PRDM16: variants seen among roughly 807,000 people sequenced by gnomAD.
The protein encoded by PRDM16 is PR/SET domain 16.
PRDM16 carries 23 observed loss-of-function variants against 110.6 expected under a neutral mutation model. That is an observed-to-expected ratio of 0.21 (90% confidence interval 0.15 to 0.29). PRDM16 has a LOEUF of 0.29. PRDM16 is among the 10% of genes least tolerant of loss of function. The probability of loss-of-function intolerance (pLI) is 1.00; values close to 1 mark genes in which losing one functional copy is unlikely to be tolerated. For missense variants in PRDM16, 1,615 were observed against 1,794.3 expected, an observed-to-expected ratio of 0.90 and a Z score of 1.81; for synonymous variants, 799 against 781.8, an observed-to-expected ratio of 1.02 and a Z score of -0.37.
At chr1:3,076,976 A>G (rs1453872934) in intron 1 of PRDM16, among the ~76,000 whole-genome samples, 1 of 152,060 alleles carries the variant, frequency 6.6e-6, no homozygotes, top group African/African-American at 2.4e-5. Context: ...TGCTTCTCAG[A>G]GGGGCTGGTC....
chr1:3,195,803 T>G (rs532232180), intron 2 of PRDM16, among the ~76,000 whole-genome samples: 1 of 152,202 alleles, frequency 6.6e-6, no homozygotes, highest in Non-Finnish European at 1.5e-5. Context: ...CTCCGGAGCC[T>G]CCTGCCCTTT....
chr1:3,345,604 C>T (rs1642344248), intron 3 of PRDM16, among the ~76,000 whole-genome samples: 1 of 152,258 alleles, frequency 6.6e-6, no homozygotes, highest in Admixed American at 6.5e-5. Context: ...TCCTGAGGTG[C>T]TGATGGCAAA....
At position 3,360,813 on chromosome 1, in the gene PRDM16, C is replaced by T. The variant is rs190787295; in HGVS notation, c.439-24339C>T. ...ACAGGAGCGGAAGAGCCATCCCACC[C>T]GCCTGGCTCCCAGCAGGACCCCCTG... On this transcript the variant is annotated intron_variant, in intron 3 of 16. Transcript: ENST00000270722. 4.9e-3 allele frequency among the ~76,000 whole-genome samples: 741 copies of T among 152,310 alleles called. 8 individuals are homozygous for T. Among genetic ancestry groups the T allele is most frequent in the African/African-American group, 0.017 (700 of 41,584 alleles).
chr1:3,412,711 G>C lies in PRDM16; in HGVS notation c.2514G>C (p.Gly838=). 2 of 1,499,554 alleles carry C rather than the reference G, an allele frequency of 1.3e-6. No individual in the cohort carries two copies. The highest frequency in any genetic ancestry group is 2.6e-5 in the South Asian group (2 of 76,476). The allele number at this position is 1,499,554 out of a possible 1,614,324, so 92.9% of individuals were successfully genotyped here. ...YGERKLGAGE[G]LPQVCPARMP... ...AACGCAAGCTGGGCGCCGGCGAGGG[G>C]CTGCCCCAGGTGTGCCCGGCGCGGA... The change falls in exon 9 of 17, where the codon GGG becomes GGC. Residue 838 remains glycine, a synonymous_variant. Coordinates refer to ENST00000270722, the MANE Select transcript of PRDM16 (RefSeq NM_022114.4).
intron 3 of PRDM16, among the ~76,000 whole-genome samples, chr1:3,250,036 G>T (rs867999094): frequency 6.6e-6 from 1 of 152,188 alleles, no homozygotes; most frequent in Non-Finnish European, 1.5e-5. Flanking sequence ...CCAAGGCAGC[G>T]CTGGGCCGTG....
At position 3,167,240 on chromosome 1, in the gene PRDM16, T is replaced by C. The variant is rs539858266; in HGVS notation, c.38-18885T>C. On this transcript the variant is annotated intron_variant, in intron 1 of 16. Transcript: ENST00000270722. Reference sequence around the variant, plus strand: ...CCCTGTCCCTCCCAGGCCTTCAGCCTGTACACAAAGCCCAGCAGTTGCCCT... The same window carrying C: ...CCCTGTCCCTCCCAGGCCTTCAGCCCGTACACAAAGCCCAGCAGTTGCCCT... Among the ~76,000 whole-genome samples, 12 of 152,284 alleles carry C rather than the reference T, an allele frequency of 7.9e-5. No individual in the cohort carries two copies. The East Asian group carries it at 2.3e-3, about 29-fold the overall frequency.
chr1:3,370,775 G>A lies in PRDM16; in HGVS notation c.439-14377G>A, dbSNP rs548661147. On this transcript the variant is annotated intron_variant, in intron 3 of 16. Transcript: ENST00000270722. This position sits in a 1 kb window ranked among gnomAD's most constrained non-coding sequence, Gnocchi z 4.8. ...CCATAAGTGTCTGGGCAAGTTGAGGGGAGGGTCTGCTCCCCATCCATCCAT... is the reference window on the plus strand; with the variant it reads ...CCATAAGTGTCTGGGCAAGTTGAGGAGAGGGTCTGCTCCCCATCCATCCAT... 6.6e-6 allele frequency among the ~76,000 whole-genome samples: 1 copy of A among 152,164 alleles called. No homozygotes were observed. The highest frequency in any genetic ancestry group is 2.4e-5 in the African/African-American group (1 of 41,494).
At chr1:3,399,653 A>T (rs1370067139) in intron 5 of PRDM16, among the ~76,000 whole-genome samples, 1 of 152,198 alleles carries the variant, frequency 6.6e-6, no homozygotes, top group East Asian at 1.9e-4. Context: ...AGGCCATTGG[A>T]GTGAGAATCA....
chr1:3,303,500 G>A (rs1049698801), intron 3 of PRDM16, among the ~76,000 whole-genome samples: 3 of 152,200 alleles, frequency 2.0e-5, no homozygotes, highest in African/African-American at 4.8e-5. Context: ...GCCTTTCGCC[G>A]TTGGGAAGAG....
At chr1:3,383,150 C>T (rs889806992) in intron 3 of PRDM16, among the ~76,000 whole-genome samples, 1 of 152,228 alleles carries the variant, frequency 6.6e-6, no homozygotes, top group African/African-American at 2.4e-5. Flanking sequence ...AGAGCAGCCA[C>T]AGCCCACGAG....
At chr1:3,407,767 CCA>C (rs2100651635) in intron 8 of PRDM16, among the ~76,000 whole-genome samples, 1 of 152,376 alleles carries the variant, frequency 6.6e-6, no homozygotes, top group South Asian at 2.1e-4. Flanking sequence ...ACTGTTCCCA[CCA>C]CACTGCAGGC....
chr1:3,373,830 C>T (rs762690066), intron 3 of PRDM16, among the ~76,000 whole-genome samples: 3 of 152,258 alleles, frequency 2.0e-5, no homozygotes, highest in Non-Finnish European at 4.4e-5. Flanking sequence ...CCCACGGGGA[C>T]ACATGGCCGA....
intron 3 of PRDM16, chr1:3,308,676 A>G (rs1355741220): frequency 6.6e-6 from 1 of 152,264 alleles, no homozygotes; most frequent in Non-Finnish European, 1.5e-5. Context: ...GCCTGAGGGC[A>G]GCTCTGCCAT....
At chr1:3,363,798 AAGG>A (rs1642760468) in intron 3 of PRDM16, among the ~76,000 whole-genome samples, 1 of 151,982 alleles carries the variant, frequency 6.6e-6, no homozygotes, top group Non-Finnish European at 1.5e-5. Context: ...CCTTTCAAAG[AAGG>A]AGAAGGAGGA....
At position 3,237,370 on chromosome 1, in the gene PRDM16, C is replaced by T. The variant is rs185388414; in HGVS notation, c.388-6717C>T. ...TCACCTCCTGGGCTCCCCACCCCCA[C>T]TTCGGGACCCCACCCCCAAGAGGAC... On this transcript the variant is annotated intron_variant, in intron 2 of 16. Transcript: ENST00000270722. Among the ~76,000 whole-genome samples, 218 of 152,254 alleles carry T rather than the reference C, an allele frequency of 1.4e-3. 3 individuals carry two copies. Among genetic ancestry groups the T allele is most frequent in the African/African-American group, 5.0e-3 (206 of 41,552 alleles).
chr1:3,432,258 G>A (rs1047994779), intron 16 of PRDM16, 118 bp downstream of exon 16: 8 of 816,304 alleles, frequency 9.8e-6, no homozygotes, highest in Admixed American at 2.3e-5. Context: ...TCACGCAAAC[G>A]CCCCCACGCT....
intron 1 of PRDM16, among the ~76,000 whole-genome samples, chr1:3,174,445 G>A (rs937207302): frequency 2.0e-5 from 3 of 152,202 alleles, no homozygotes; most frequent in Non-Finnish European, 4.4e-5. Flanking sequence ...CTGGGTGACA[G>A]TGGGGGCTGG....
At chr1:3,259,644 G>C (rs1024079913) in intron 3 of PRDM16, among the ~76,000 whole-genome samples, 4 of 152,206 alleles carry the variant, frequency 2.6e-5, no homozygotes, top group Non-Finnish European at 5.9e-5. Flanking sequence ...GGGGCAAGAG[G>C]GGACCCAGTG....
At chr1:3,398,594 G>A (rs140869220) in intron 5 of PRDM16, among the ~76,000 whole-genome samples, 4 of 152,338 alleles carry the variant, frequency 2.6e-5, no homozygotes, top group African/African-American at 4.8e-5. Context: ...AGATTAGTAC[G>A]TAGACGCCAC....
Sources: gnomAD v4.1 joint callset for allele counts (sites outside exome capture counted in the v4.1 genomes callset) on GRCh38, gnomAD v4.1.1 for gene constraint, Gnocchi (gnomAD v3.1) non-coding constraint, MANE v1.5 for transcripts, NCBI Gene and HGNC (gene_info 2026-07-23, HGNC 2026-07-21) for gene names.